EPHA5: variants seen among roughly 807,000 people sequenced by gnomAD.
EPHA5 encodes EPH receptor A5, also known as ephrin type-A receptor 5.
A neutral mutation model predicts 105.0 loss-of-function variants in EPHA5; 60 were observed. The ratio of observed to expected loss-of-function variants is 0.57; its 90% confidence interval spans 0.46 to 0.71. EPHA5 has a LOEUF of 0.71. EPHA5 is among the 30% of genes least tolerant of loss of function. The pLI is 0.00. For missense variants in EPHA5, 1,218 were observed against 1,274.7 expected (o/e 0.96, Z 0.68); for synonymous variants, 513 against 449.1 (o/e 1.14, Z -1.80).
At chr4:65,632,717 T>G (rs1746762857) in intron 2 of EPHA5, among the ~76,000 whole-genome samples, 1 of 151,950 alleles carries the variant, frequency 6.6e-6, no homozygotes, top group African/African-American at 2.4e-5. Flanking sequence ...TTTACAGTAT[T>G]CACACAATCG....
intron 1 of EPHA5, among the ~76,000 whole-genome samples, chr4:65,646,276 C>T (rs1748104677): frequency 6.6e-6 from 1 of 152,136 alleles, no homozygotes; most frequent in Non-Finnish European, 1.5e-5. Flanking sequence ...CTTATAAGAA[C>T]ACCATGTTTG....
At chr4:65,532,755 T>G (rs188316174) in intron 3 of EPHA5, among the ~76,000 whole-genome samples, 2 of 151,236 alleles carry the variant, frequency 1.3e-5, no homozygotes, top group African/African-American at 4.9e-5. Context: ...ATAAAACAAC[T>G]GTAACCTCTA....
intron 4 of EPHA5, among the ~76,000 whole-genome samples, chr4:65,494,592 C>G (rs1337892603): frequency 6.6e-6 from 1 of 152,064 alleles, no homozygotes; most frequent in Non-Finnish European, 1.5e-5. Context: ...ATATGGAAAA[C>G]CAAATATACG....
chr4:65,379,465 G>T (rs1005515669), intron 8 of EPHA5, among the ~76,000 whole-genome samples: 3 of 151,538 alleles, frequency 2.0e-5, no homozygotes, highest in Non-Finnish European at 3.0e-5. Flanking sequence ...CATAAAAATT[G>T]CTTTAGATAA....
intron 2 of EPHA5, among the ~76,000 whole-genome samples, chr4:65,627,054 G>C (rs564923265): frequency 6.6e-6 from 1 of 152,100 alleles, no homozygotes; most frequent in Non-Finnish European, 1.5e-5. Flanking sequence ...TCCAGTGCAG[G>C]CTAGCTAGTT....
chr4:65,513,313 G>A (rs1431049613), intron 3 of EPHA5, among the ~76,000 whole-genome samples: 1 of 152,076 alleles, frequency 6.6e-6, no homozygotes, highest in Non-Finnish European at 1.5e-5. Context: ...GTTTAAAGCT[G>A]AAAATTATTC....
chr4:65,441,360 G>C (rs1442436246), intron 5 of EPHA5, among the ~76,000 whole-genome samples: 1 of 151,906 alleles, frequency 6.6e-6, no homozygotes, highest in Non-Finnish European at 1.5e-5. Flanking sequence ...GAGAAAAACA[G>C]TATTTCCATA....
intron 3 of EPHA5, among the ~76,000 whole-genome samples, chr4:65,572,340 T>C (rs1740275584): frequency 6.6e-6 from 1 of 152,164 alleles, no homozygotes; most frequent in South Asian, 2.1e-4. Context: ...CTTATTTCAG[T>C]GATTTTATCC....
chr4:65,644,697 T>C (rs1273904578), intron 1 of EPHA5, among the ~76,000 whole-genome samples: 1 of 152,038 alleles, frequency 6.6e-6, no homozygotes, highest in Non-Finnish European at 1.5e-5. Context: ...TTATGCATCA[T>C]TTATTTCACA....
At chr4:65,333,010 AAACTT>A (rs1399347815) in intron 15 of EPHA5, among the ~76,000 whole-genome samples, 1 of 151,866 alleles carries the variant, frequency 6.6e-6, no homozygotes, top group East Asian at 1.9e-4. Context: ...ATACAAAACA[AAACTT>A]AATAGAATCA....
chr4:65,527,941 G>A (rs866204326), intron 3 of EPHA5, among the ~76,000 whole-genome samples: 1 of 152,070 alleles, frequency 6.6e-6, no homozygotes, highest in Non-Finnish European at 1.5e-5. Flanking sequence ...AGAACATGCA[G>A]TATTTGGTTT....
At chr4:65,383,554 C>A (rs1351942338) in intron 8 of EPHA5, among the ~76,000 whole-genome samples, 3 of 151,772 alleles carry the variant, frequency 2.0e-5, no homozygotes, top group South Asian at 2.1e-4. Flanking sequence ...GGGAAAAAAA[C>A]CCAGCATGGA....
chr4:65,383,801 G>A (rs1719819283), intron 8 of EPHA5, among the ~76,000 whole-genome samples: 2 of 150,670 alleles, frequency 1.3e-5, no homozygotes, highest in South Asian at 4.1e-4. Context: ...GGGGGAAGTA[G>A]GAAGGAAGGT....
intron 8 of EPHA5, among the ~76,000 whole-genome samples, chr4:65,401,827 A>T (rs1228331949): frequency 1.3e-5 from 2 of 152,088 alleles, no homozygotes. Flanking sequence ...TCTAGTACAA[A>T]TGAGACATTA....
At position 65,594,780 on chromosome 4, in the gene EPHA5, C is replaced by A. The variant is rs142708311; in HGVS notation, c.910+6861G>T. On this transcript the variant is annotated intron_variant, in intron 3 of 16. Transcript: ENST00000613740. ...AAAAAAATGGGTTTTATACTTTCAA[C>A]GGGTGTAATAATTTACAAATAATCA... is the stretch of plus-strand genomic sequence containing the variant. Among the ~76,000 whole-genome samples, 197 of 152,114 alleles carry A rather than the reference C, an allele frequency of 1.3e-3. 2 individuals are homozygous for A. The highest frequency in any genetic ancestry group is 4.4e-3 in the African/African-American group (183 of 41,510).
rs971786537 is a variant in EPHA5, at chr4:65,593,646, C to G, written c.910+7995G>C. On this transcript the variant is annotated intron_variant, in intron 3 of 16. Coordinates refer to ENST00000613740, the MANE Select transcript of EPHA5 (RefSeq NM_001281766.3). ...AACATTACTTGCAGCTACATGAACA[C>G]TTTACAGGTGAAGATTATAACATTT... is the stretch of plus-strand genomic sequence containing the variant. Among the ~76,000 whole-genome samples, 6 of 152,178 alleles carry G rather than the reference C, an allele frequency of 3.9e-5. 1 individual carries two copies. Among genetic ancestry groups the G allele is most frequent in the African/African-American group, 9.7e-5 (4 of 41,442 alleles).
chr4:65,388,972 A>G (rs1307893973), intron 8 of EPHA5, among the ~76,000 whole-genome samples: 1 of 152,028 alleles, frequency 6.6e-6, no homozygotes, highest in Non-Finnish European at 1.5e-5. Flanking sequence ...CTATGTAAAT[A>G]ATTTTAATTC....
intron 2 of EPHA5, among the ~76,000 whole-genome samples, chr4:65,621,261 A>G (rs1409159556): frequency 6.6e-6 from 1 of 152,172 alleles, no homozygotes; most frequent in Admixed American, 6.5e-5. Flanking sequence ...GCCTGTTTTG[A>G]CAATATGCAC....
At chr4:65,649,208 A>G (rs1748381634) in intron 1 of EPHA5, among the ~76,000 whole-genome samples, 1 of 152,216 alleles carries the variant, frequency 6.6e-6, no homozygotes, top group Non-Finnish European at 1.5e-5. Context: ...ATTTATGTAT[A>G]AAGCAGTAAC....
Sources: allele counts gnomAD v4.1 joint callset (sites outside exome capture counted in the v4.1 genomes callset), GRCh38; gene constraint gnomAD v4.1.1; transcripts MANE v1.5; gene names NCBI Gene and HGNC (gene_info 2026-07-23, HGNC 2026-07-21).